FCHSD2: variants seen among roughly 807,000 people sequenced by gnomAD.
FCHSD2 encodes the protein F-BAR and double SH3 domains protein 2.
A neutral mutation model predicts 108.1 loss-of-function variants in FCHSD2; 38 were observed. That is an observed-to-expected ratio of 0.35 (90% confidence interval 0.27 to 0.46). The LOEUF (loss-of-function observed/expected upper bound fraction) is 0.46, where lower values mean the gene tolerates loss of function less well. Ranked by LOEUF, FCHSD2 falls within the 20% of genes least tolerant of loss-of-function variation. FCHSD2 has a pLI of 1.00. For synonymous variants in FCHSD2, 279 were observed against 314.7 expected (o/e 0.89, Z 1.20); for missense variants, 751 against 897.8 (o/e 0.84, Z 2.09).
intron 3 of FCHSD2, among the ~76,000 whole-genome samples, chr11:73,053,538 T>A (rs1262774376): frequency 6.6e-6 from 1 of 152,222 alleles, no homozygotes; most frequent in African/African-American, 2.4e-5. Flanking sequence ...AAACTGAGTG[T>A]TGTTAAAACA....
At chr11:73,022,840 GGACA>G (rs1276434930) in intron 3 of FCHSD2, among the ~76,000 whole-genome samples, 1 of 151,968 alleles carries the variant, frequency 6.6e-6, no homozygotes, top group Non-Finnish European at 1.5e-5. Context: ...GCAAAAGAAT[GGACA>G]GATAGATCAG....
At chr11:72,860,301 A>G (rs1861536281) in intron 13 of FCHSD2, among the ~76,000 whole-genome samples, 1 of 152,232 alleles carries the variant, frequency 6.6e-6, no homozygotes, top group East Asian at 1.9e-4. Flanking sequence ...CATTTATAGA[A>G]CATAACCCCT....
chr11:72,959,671 T>C lies in FCHSD2; in HGVS notation c.705+24417A>G, dbSNP rs79351640. On this transcript the variant is annotated intron_variant, in intron 8 of 19. Transcript: ENST00000409418. ...GCTTGGTTTCAATAAATTGCTAAGA[T>C]AGACATTTCAACGCACCTGCTCCCA... 3.9e-5 allele frequency among the ~76,000 whole-genome samples: 6 copies of C among 152,248 alleles called. No individual in the cohort carries two copies. In the East Asian group the frequency reaches 1.2e-3, roughly 29 times the overall value.
chr11:72,926,413 G>A (rs1484861186), intron 8 of FCHSD2, among the ~76,000 whole-genome samples: 1 of 152,080 alleles, frequency 6.6e-6, no homozygotes, highest in Non-Finnish European at 1.5e-5. Context: ...TATTCTCTCT[G>A]CTAATAGCTG....
chr11:73,138,404 A>G (rs1468077758), intron 2 of FCHSD2, among the ~76,000 whole-genome samples: 2 of 152,142 alleles, frequency 1.3e-5, no homozygotes, highest in Non-Finnish European at 2.9e-5. Context: ...TCTTTAGAAG[A>G]CACAACCAAC....
chr11:73,096,657 G>A lies in FCHSD2; in HGVS notation c.120-12917C>T, dbSNP rs188627175. On this transcript the variant is annotated intron_variant, in intron 2 of 19. Transcript: ENST00000409418. ...AGCAATGGTAAAAAGGTGCATCCTT[G>A]TGTTCTTCCTGAACTTATAGGGAAA... Among the ~76,000 whole-genome samples the A allele has an allele frequency of 5.3e-5, 8 of 152,192 alleles. No individual in the cohort carries two copies. The East Asian group carries it at 1.5e-3, about 29-fold the overall frequency.
intron 3 of FCHSD2, among the ~76,000 whole-genome samples, chr11:73,020,873 A>G (rs759171815): frequency 1.3e-5 from 2 of 151,988 alleles, no homozygotes; most frequent in Non-Finnish European, 2.9e-5. Flanking sequence ...AATAAGATCT[A>G]TTGACATTTT....
In FCHSD2 at chr11:73,044,174, G is replaced by T. The variant is rs568859249; in HGVS notation, c.166-28289C>A. Among the ~76,000 whole-genome samples the T allele has an allele frequency of 1.1e-4, 16 of 152,238 alleles. No homozygotes were observed. In the East Asian group the frequency reaches 3.1e-3, roughly 29 times the overall value. On this transcript the variant is annotated intron_variant, in intron 3 of 19. Coordinates refer to ENST00000409418, the MANE Select transcript of FCHSD2 (RefSeq NM_014824.3). ...CACCTTTGTATAAATCAAACAAAGA[G>T]ACCATTTTAATAGATACATTTTACT...
intron 8 of FCHSD2, among the ~76,000 whole-genome samples, chr11:72,938,040 T>C (rs1405051664): frequency 6.6e-6 from 1 of 152,080 alleles, no homozygotes; most frequent in Non-Finnish European, 1.5e-5. Context: ...ATGACATGAA[T>C]TGAGATAGGA....
At chr11:72,851,550 C>T (rs1412331970) in intron 13 of FCHSD2, among the ~76,000 whole-genome samples, 1 of 152,000 alleles carries the variant, frequency 6.6e-6, no homozygotes, top group Non-Finnish European at 1.5e-5. Context: ...ATCATCCTGG[C>T]TAACACGGTG....
intron 8 of FCHSD2, among the ~76,000 whole-genome samples, chr11:72,939,461 T>G (rs1259319122): frequency 6.6e-6 from 1 of 152,134 alleles, no homozygotes; most frequent in East Asian, 1.9e-4. Flanking sequence ...TAACTTAATT[T>G]TCTCTAGAGA....
intron 5 of FCHSD2, among the ~76,000 whole-genome samples, chr11:72,991,125 A>G (rs1055612265): frequency 1.3e-5 from 2 of 152,230 alleles, no homozygotes; most frequent in Non-Finnish European, 2.9e-5. Context: ...AAACTGATAA[A>G]TTCCTCGACA....
At chr11:72,842,889 T>G in intron 16 of FCHSD2, 48 bp from the exon 17 acceptor site, 1 of 1,499,326 alleles carries the variant, frequency 6.7e-7, no homozygotes, top group Non-Finnish European at 9.2e-7. Context: ...TAACAGCCGG[T>G]TGCTTTTGCA....
chr11:73,065,035 C>T (rs1213042484), intron 3 of FCHSD2, among the ~76,000 whole-genome samples: 1 of 152,144 alleles, frequency 6.6e-6, no homozygotes, highest in Non-Finnish European at 1.5e-5. Flanking sequence ...GATACCAAAG[C>T]CTGACAGAGA....
intron 3 of FCHSD2, among the ~76,000 whole-genome samples, chr11:73,067,567 C>T (rs796358762): frequency 4.0e-4 from 61 of 152,124 alleles, no homozygotes; most frequent in African/African-American, 1.4e-3. Context: ...GGTAGGTCTG[C>T]CATATCCCCA....
intron 8 of FCHSD2, among the ~76,000 whole-genome samples, chr11:72,944,110 A>T (rs1225376498): frequency 6.6e-6 from 1 of 152,214 alleles, no homozygotes; most frequent in Non-Finnish European, 1.5e-5. Flanking sequence ...AGAGAATTTT[A>T]AAACAATATC....
intron 9 of FCHSD2, among the ~76,000 whole-genome samples, chr11:72,912,390 A>G (rs1276420165): frequency 6.6e-6 from 1 of 152,328 alleles, no homozygotes. Context: ...TTTCAGTATC[A>G]ATTGAAATGA....
At chr11:73,028,839 C>T (rs554153530) in intron 3 of FCHSD2, among the ~76,000 whole-genome samples, 38 of 152,246 alleles carry the variant, frequency 2.5e-4, no homozygotes, top group African/African-American at 7.7e-4. Flanking sequence ...CTTCCCCTTT[C>T]GTTCTCTCCG....
Position 72,846,026 on chromosome 11 carries a change from A to G in FCHSD2, c.1444-2494T>C, listed in dbSNP as rs77447505. ...GGGTGTTTGATAATATCTTCCTCAT[A>G]GGGTTATTGAAGGGATTACAAATAA... On this transcript the variant is annotated intron_variant, in intron 14 of 19. Transcript: ENST00000409418. 5.9e-3 allele frequency among the ~76,000 whole-genome samples: 897 copies of G among 152,166 alleles called. 4 individuals carry two copies. Among genetic ancestry groups the G allele is most frequent in the South Asian group, 0.014 (68 of 4,824 alleles).
Sources: gnomAD v4.1 joint callset for allele counts (sites outside exome capture counted in the v4.1 genomes callset) on GRCh38, gnomAD v4.1.1 for gene constraint, MANE v1.5 for transcripts, NCBI Gene and HGNC (gene_info 2026-07-23, HGNC 2026-07-21) for gene names.